Variants in NCAPG2 observed in about 807,000 individuals in gnomAD.
The protein encoded by NCAPG2 is non-SMC condensin II complex subunit G2, also known as condensin-2 complex subunit G2.
A neutral mutation model predicts 141.1 loss-of-function variants in NCAPG2; 53 were observed. The observed-to-expected ratio is 0.38, with a 90% CI of 0.30 to 0.47. The LOEUF (loss-of-function observed/expected upper bound fraction) is 0.47, where lower values mean the gene tolerates loss of function less well. Among genes scored for constraint, NCAPG2 ranks in the 20% least tolerant of loss-of-function variants. The pLI, the probability that NCAPG2 is intolerant of heterozygous loss-of-function variation, is 0.99. For missense variants in NCAPG2, 1,087 were observed against 1,389.0 expected, an observed-to-expected ratio of 0.78 and a Z score of 3.46; for synonymous variants, 499 against 490.7, an observed-to-expected ratio of 1.02 and a Z score of -0.22.
chr7:158,654,718 G>A (rs371455176), intron 21 of NCAPG2, 24 bp from the exon 22 acceptor site: 37 of 1,599,592 alleles, frequency 2.3e-5, no homozygotes, highest in African/African-American at 5.4e-5. Context: ...ACACAGCTTA[G>A]CAACAAAGGC....
intron 12 of NCAPG2, among the ~76,000 whole-genome samples, chr7:158,672,282 G>GTATATA (rs1563549087): frequency 3.3e-4 from 7 of 21,058 alleles, no homozygotes; most frequent in African/African-American, 1.5e-3. Context: ...AAACACATGT[G>GTATATA]TGTGTGTGTG....
intron 13 of NCAPG2, chr7:158,667,313 G>GCA: frequency 2.1e-5 from 2 of 95,410 alleles, no homozygotes; most frequent in Non-Finnish European, 2.5e-5. Flanking sequence ...ACCCTTAGCC[G>GCA]CTACTGTGTC....
At position 158,681,952 on chromosome 7, in the gene NCAPG2, AAT is replaced by A. The variant is rs199802670; in HGVS notation, c.925-1138_925-1137del. 3.3e-5 allele frequency among the ~76,000 whole-genome samples: 5 copies of A among 152,326 alleles called. No homozygotes were observed. In the East Asian group the frequency reaches 9.6e-4, roughly 29 times the overall value. ...ATAAAATGACTTATCAGATAAATTT[AAT>A]AGTTATCAAATAAAAACAATTTGAG... is the stretch of plus-strand genomic sequence containing the variant. On this transcript the variant is annotated intron_variant, in intron 9 of 27. Coordinates refer to ENST00000356309, the MANE Select transcript of NCAPG2 (RefSeq NM_017760.7).
At chr7:158,634,625 T>C (rs918683962) in intron 27 of NCAPG2, among the ~76,000 whole-genome samples, 24 of 152,188 alleles carry the variant, frequency 1.6e-4, no homozygotes, top group African/African-American at 5.3e-4. Context: ...AATGACTCTT[T>C]ATCGTTATCC....
At chr7:158,679,852 G>A (rs748898064) in intron 11 of NCAPG2, 108 bp downstream of exon 11, 26 of 1,388,634 alleles carry the variant, frequency 1.9e-5, no homozygotes, top group Non-Finnish European at 2.4e-5. Context: ...CCATGTGGGA[G>A]CAGAGCTCTG....
Position 158,649,522 on chromosome 7 carries a change from AT to A in NCAPG2, c.3075+1309del, listed in dbSNP as rs979597322. On this transcript the variant is annotated intron_variant, in intron 24 of 27. Transcript: ENST00000356309. ...GCCAGATGTGACTCACAGGTCAAAC[AT>A]TTTTTTTATCATTTTTAGCTACATA... 1.8e-4 allele frequency among the ~76,000 whole-genome samples: 28 copies of A among 151,984 alleles called. 1 individual carries two copies. The South Asian group carries it at 5.4e-3, about 29-fold the overall frequency.
intron 13 of NCAPG2, among the ~76,000 whole-genome samples, chr7:158,670,030 G>A (rs1833580287): frequency 6.6e-6 from 1 of 152,152 alleles, no homozygotes. Context: ...CACACTGCAA[G>A]ACTTACTGTA....
chr7:158,685,349 A>G (rs1349777073), intron 8 of NCAPG2, among the ~76,000 whole-genome samples: 2 of 152,368 alleles, frequency 1.3e-5, no homozygotes, highest in East Asian at 3.9e-4. Flanking sequence ...ACTGAATGCA[A>G]GCCACAGATG....
chr7:158,676,368 A>G (rs10253608), intron 11 of NCAPG2, among the ~76,000 whole-genome samples: 137,556 of 152,244 alleles, frequency 0.9, 62,204 homozygotes, highest in East Asian at 0.96. Context: ...AGATTATGGC[A>G]AGAGAGCTCG....
chr7:158,674,643 A>G (rs528826120), intron 12 of NCAPG2, among the ~76,000 whole-genome samples: 7 of 152,360 alleles, frequency 4.6e-5, no homozygotes, highest in Non-Finnish European at 8.8e-5. Flanking sequence ...AGAAGTGGGG[A>G]GGAAGATCCA....
At chr7:158,667,029 C>T (rs1833016131) in intron 13 of NCAPG2, 3 of 681,194 alleles carry the variant, frequency 4.4e-6, no homozygotes, top group African/African-American at 2.0e-5. Context: ...AATGCCCTCC[C>T]GTCAGCTCCA....
At position 158,654,641 on chromosome 7, in the gene NCAPG2, C is replaced by T. The variant is rs764073617; in HGVS notation, c.2700G>A (p.Gln900=). The stretch of plus-strand genomic sequence containing the variant: ...TCCGCTGTAAGAGTTGCATCTGAAA[C>T]TGATGGTCACCAAGGCCTACCATAA... The part of the protein sequence containing the change: ...DVVMVGLGDH[Q]FQMQLLQRSL... The change falls in exon 22 of 28, where the codon CAG becomes CAA. Residue 900 remains glutamine, a synonymous_variant. Coordinates refer to ENST00000356309, the MANE Select transcript of NCAPG2 (RefSeq NM_017760.7). The T allele has an allele frequency of 3.1e-6, 5 of 1,613,982 alleles. No individual in the cohort carries two copies. Among genetic ancestry groups the T allele is most frequent in the Non-Finnish European group, 4.2e-6 (5 of 1,180,012 alleles).
At position 158,671,685 on chromosome 7, in the gene NCAPG2, T is replaced by TA; in HGVS notation, c.1327-20dup. The TA allele has an allele frequency of 6.2e-7, 1 of 1,610,668 alleles. No individual in the cohort carries two copies. Among genetic ancestry groups the TA allele is most frequent in the East Asian group, 2.2e-5 (1 of 44,814 alleles). On this transcript the variant is annotated intron_variant, in intron 12 of 27. Transcript: ENST00000356309. The stretch of plus-strand genomic sequence containing the variant: ...GCAGACACTGCAACAGAGAGAAAGA[T>TA]AAACAATTCAAAATCAGAACATGCC...
At chr7:158,638,741 C>G (rs920481306) in intron 27 of NCAPG2, among the ~76,000 whole-genome samples, 3 of 152,066 alleles carry the variant, frequency 2.0e-5, no homozygotes, top group Admixed American at 1.3e-4. Context: ...TAACACAAGT[C>G]TCTGTAGAAT....
chr7:158,690,838 T>C (rs1010432484), intron 4 of NCAPG2, 116 bp from the exon 5 acceptor site: 15 of 916,024 alleles, frequency 1.6e-5, no homozygotes, highest in Non-Finnish European at 2.3e-5. Context: ...AAGCAAATAA[T>C]ATTAGTTATG....
intron 27 of NCAPG2, among the ~76,000 whole-genome samples, chr7:158,639,168 C>T (rs979816500): frequency 7.2e-5 from 11 of 151,882 alleles, no homozygotes; most frequent in Admixed American, 2.6e-4. Flanking sequence ...AATGCAGTGA[C>T]GTGATCTCGG....
At chr7:158,652,074 C>T (rs1831531784) in intron 23 of NCAPG2, among the ~76,000 whole-genome samples, 1 of 152,168 alleles carries the variant, frequency 6.6e-6, no homozygotes, top group Admixed American at 6.5e-5. Context: ...GCCTCCAGCC[C>T]ATGCACAGGG....
chr7:158,647,726 C>G (rs1009947493), intron 24 of NCAPG2, among the ~76,000 whole-genome samples: 3 of 152,026 alleles, frequency 2.0e-5, no homozygotes, highest in African/African-American at 7.3e-5. Flanking sequence ...CATAGTCTCA[C>G]TCTGTTGCCT....
chr7:158,641,510 C>A, intron 27 of NCAPG2: 2 of 682,760 alleles, frequency 2.9e-6, no homozygotes, highest in Admixed American at 2.1e-5. Context: ...GTCCAGGAGT[C>A]CAGGAGTTAG....
Sources: allele counts gnomAD v4.1 joint callset (sites outside exome capture counted in the v4.1 genomes callset), GRCh38; gene constraint gnomAD v4.1.1; transcripts MANE v1.5; gene names NCBI Gene and HGNC (gene_info 2026-07-23, HGNC 2026-07-21).